Variants in CRB1 observed in about 807,000 individuals in gnomAD.
CRB1 encodes crumbs cell polarity complex component 1, also known as protein crumbs homolog 1.
A neutral mutation model predicts 120.0 loss-of-function variants in CRB1; 83 were observed. The ratio of observed to expected loss-of-function variants is 0.69; its 90% CI spans 0.58 to 0.83. The LOEUF (loss-of-function observed/expected upper bound fraction) is 0.83, where lower values mean the gene tolerates loss of function less well. Ranked by LOEUF, CRB1 falls within the 40% of genes least tolerant of loss-of-function variation. The pLI is 0.00. For missense variants in CRB1, 1,699 were observed against 1,687.6 expected (o/e 1.01, Z -0.12); for synonymous variants, 625 against 612.5 (o/e 1.02, Z -0.30).
the CRB1 span, among the ~76,000 whole-genome samples, chr1:197,240,198 A>G: frequency 6.6e-6 from 1 of 152,056 alleles, no homozygotes; most frequent in Non-Finnish European, 1.5e-5. Context: ...TCCTTTCTTT[A>G]TAGTTTCCTT....
chr1:197,257,192 G>A, the CRB1 span, among the ~76,000 whole-genome samples: 1 of 152,072 alleles, frequency 6.6e-6, no homozygotes, highest in Non-Finnish European at 1.5e-5. Flanking sequence ...ATGTCTGAGG[G>A]AAGGAGAAGA....
intron 11 of CRB1, among the ~76,000 whole-genome samples, chr1:197,448,204 GA>G (rs1430582685): frequency 6.6e-6 from 1 of 151,970 alleles, no homozygotes. Context: ...TGTTTCTGGG[GA>G]ATTTTACTCA....
At chr1:197,290,484 A>C (rs1656109559) in intron 1 of CRB1, among the ~76,000 whole-genome samples, 1 of 151,628 alleles carries the variant, frequency 6.6e-6, no homozygotes, top group Non-Finnish European at 1.5e-5. Flanking sequence ...TTCCCTGAAC[A>C]GCTCAGTTTC....
chr1:197,420,000 C>A (rs200326412), intron 5 of CRB1, among the ~76,000 whole-genome samples: 141 of 139,928 alleles, frequency 1.0e-3, no homozygotes, highest in Middle Eastern at 3.8e-3. Flanking sequence ...AAAAAAAAAA[C>A]AAACAAAAAA....
chr1:197,388,598 TTAAA>T (rs1360980043), intron 5 of CRB1, among the ~76,000 whole-genome samples: 7 of 152,064 alleles, frequency 4.6e-5, no homozygotes, highest in Non-Finnish European at 1.0e-4. Flanking sequence ...AAAAGAATAA[TTAAA>T]TAGCCATTCC....
chr1:197,477,600 T>C (rs1667251214), intron 11 of CRB1, 64 bp from the exon 12 acceptor site: 2 of 1,492,936 alleles, frequency 1.3e-6, no homozygotes, highest in East Asian at 2.3e-5. Flanking sequence ...AGTAGTTCCA[T>C]TGTCCTGAAT....
intron 1 of CRB1, among the ~76,000 whole-genome samples, chr1:197,304,849 C>T (rs914547787): frequency 1.3e-5 from 2 of 152,198 alleles, no homozygotes; most frequent in Admixed American, 6.5e-5. Context: ...TGTTCATTCA[C>T]TTGCTTTGTG....
At chr1:197,306,958 G>A (rs1269009514) in intron 1 of CRB1, among the ~76,000 whole-genome samples, 1 of 152,128 alleles carries the variant, frequency 6.6e-6, no homozygotes, top group Non-Finnish European at 1.5e-5. Context: ...GTCGATTTGT[G>A]TGGCCTGACC....
At chr1:197,429,162 A>T in intron 7 of CRB1, 1 of 1,530,494 alleles carries the variant, frequency 6.5e-7, no homozygotes, top group East Asian at 2.5e-5. Context: ...GTGCCTGGTA[A>T]TTTGTAAATT....
chr1:197,344,856 TC>T (rs1354638954), intron 3 of CRB1, among the ~76,000 whole-genome samples: 1 of 152,210 alleles, frequency 6.6e-6, no homozygotes, highest in Non-Finnish European at 1.5e-5. Flanking sequence ...CAGCAATAAA[TC>T]CTTTTAAAGT....
chr1:197,392,065 G>T (rs1049488843), intron 5 of CRB1, among the ~76,000 whole-genome samples: 1 of 151,924 alleles, frequency 6.6e-6, no homozygotes, highest in African/African-American at 2.4e-5. Context: ...ACAGCATCTC[G>T]TGGTGTCTAA....
chr1:197,456,125 A>AG (rs1185429903), intron 11 of CRB1, among the ~76,000 whole-genome samples: 1 of 152,150 alleles, frequency 6.6e-6, no homozygotes, highest in Non-Finnish European at 1.5e-5. Flanking sequence ...AACAGTTATA[A>AG]AGGAAAACTG....
the CRB1 span, among the ~76,000 whole-genome samples, chr1:197,247,339 A>G: frequency 6.6e-6 from 1 of 152,076 alleles, no homozygotes; most frequent in Non-Finnish European, 1.5e-5. Context: ...TTGAAATTCT[A>G]TAGCCAAGGT....
Position 197,349,145 on chromosome 1 carries a change from G to A in CRB1, c.988+1666G>A, listed in dbSNP as rs1028643063. Among the ~76,000 whole-genome samples the A allele has an allele frequency of 2.0e-5, 3 of 152,088 alleles. No homozygotes were observed. In the East Asian group the frequency reaches 5.8e-4, roughly 29 times the overall value. ...CCTTTTGTATGTTTAAGTATGTTTA[G>A]ATACACAAATACCATTGTGTTTCAA... is the stretch of plus-strand genomic sequence containing the variant. On this transcript the variant is annotated intron_variant, in intron 4 of 11. Transcript: ENST00000367400.
rs115003706 is a variant in CRB1, at chr1:197,363,970, C to T, written c.1171+6957C>T. The T allele has an allele frequency of 2.5e-3, 3,392 of 1,351,740 alleles. 81 individuals carry two copies. The African/African-American group carries it at 0.042, about 17-fold the overall frequency. 83.7% of individuals were successfully genotyped at this position (1,351,740 alleles called of 1,614,324 possible). ...GTATTATGAGAAGCCATGCGGCCGGCGACAGAGGGAAAGCTATGAAAAGTG... is the reference window on the plus strand; with the variant it reads ...GTATTATGAGAAGCCATGCGGCCGGTGACAGAGGGAAAGCTATGAAAAGTG... On this transcript the variant is annotated intron_variant, in intron 5 of 11. Coordinates refer to ENST00000367400, the MANE Select transcript of CRB1 (RefSeq NM_201253.3).
At chr1:197,262,954 C>T in the CRB1 span, among the ~76,000 whole-genome samples, 2 of 152,110 alleles carry the variant, frequency 1.3e-5, no homozygotes, top group East Asian at 1.9e-4. Context: ...GTTGATTCCA[C>T]GTCTTTGCTA....
chr1:197,442,380 G>A (rs546608628), intron 11 of CRB1, 88 bp downstream of exon 11: 17 of 1,608,566 alleles, frequency 1.1e-5, no homozygotes, highest in Admixed American at 1.7e-5. Context: ...TATGAATGAC[G>A]AGCCAGTTGT....
At chr1:197,473,461 T>G (rs918585019) in intron 11 of CRB1, among the ~76,000 whole-genome samples, 7 of 152,198 alleles carry the variant, frequency 4.6e-5, no homozygotes, top group Non-Finnish European at 1.0e-4. Context: ...TCAGAATAAA[T>G]TCTCTTTGAG....
chr1:197,336,825 G>A (rs1659183471), intron 2 of CRB1, among the ~76,000 whole-genome samples: 1 of 152,096 alleles, frequency 6.6e-6, no homozygotes. Context: ...AACAAAGAAA[G>A]AAGCTGGTAA....
Sources: allele counts gnomAD v4.1 joint callset (sites outside exome capture counted in the v4.1 genomes callset), GRCh38; gene constraint gnomAD v4.1.1; transcripts MANE v1.5; gene names NCBI Gene and HGNC (gene_info 2026-07-23, HGNC 2026-07-21).